Variants in CCDC14 observed in about 807,000 individuals in gnomAD.
CCDC14 encodes coiled-coil domain-containing protein 14.
A neutral mutation model predicts 81.4 loss-of-function variants in CCDC14; 71 were observed. The ratio of observed to expected loss-of-function variants is 0.87; its 90% CI spans 0.72 to 1.06. CCDC14 has a LOEUF of 1.06. CCDC14 is among the 50% of genes least tolerant of loss of function. CCDC14 has a pLI of 0.00. For synonymous variants in CCDC14, 332 were observed against 364.8 expected, an observed-to-expected ratio of 0.91 and a Z score of 1.03; for missense variants, 1,046 against 1,047.3, an observed-to-expected ratio of 1.00 and a Z score of 0.02.
In CCDC14 at chr3:123,947,023, AG is replaced by A; in HGVS notation, c.980del (p.Pro327LeufsTer31). ...THLDSQTHRS[P>X]TQSQPAFLAT... ...CCAAGAAAGCTGGTTGTGACTGAGTAGGGCTTCGGTGTGTCTGACTGTCCAG... is the reference window on the plus strand; with the variant it reads ...CCAAGAAAGCTGGTTGTGACTGAGTAGGCTTCGGTGTGTCTGACTGTCCAG... On this transcript the variant is annotated frameshift_variant, in exon 8 of 13. Transcript: ENST00000409697. LOFTEE classifies it high-confidence loss of function. 6.2e-7 allele frequency: 1 copy of A among 1,613,968 alleles called. No homozygotes were observed. Among genetic ancestry groups the A allele is most frequent in the Non-Finnish European group, 8.5e-7 (1 of 1,179,848 alleles).
chr3:123,887,668 A>T, the CCDC14 span, among the ~76,000 whole-genome samples: 1 of 152,148 alleles, frequency 6.6e-6, no homozygotes. Context: ...TTTTCTTTCA[A>T]ATCCAGTAAT....
intron 5 of CCDC14, chr3:123,952,512 G>C: frequency 2.3e-6 from 1 of 441,042 alleles, no homozygotes; most frequent in Non-Finnish European, 5.0e-6. Flanking sequence ...TTAAATGCCA[G>C]AAGCACTCTC....
rs772566477 is a variant in CCDC14, at chr3:123,915,617, T to C, written c.1880A>G (p.His627Arg). ...NNLTKSLLNI[H>R]DKQLQHDPAP... ...TGGGTCATGTTGAAGTTGTTTATCA[T>C]GAATGTTCAAGAGTGATTTGGTAAG... The change falls in exon 13 of 13, where the codon CAT (histidine) becomes CGT (arginine). Residue 627 changes from histidine to arginine, a missense_variant. His to Arg is a conservative substitution (Grantham distance 29). Transcript: ENST00000409697. The C allele has an allele frequency of 5.0e-6, 8 of 1,613,918 alleles. No individual in the cohort carries two copies. Among genetic ancestry groups the C allele is most frequent in the Non-Finnish European group, 6.8e-6 (8 of 1,179,900 alleles).
chr3:123,915,309 T>C lies in CCDC14; in HGVS notation c.2188A>G (p.Ile730Val). 2 of 1,613,958 alleles carry C rather than the reference T, an allele frequency of 1.2e-6. No homozygotes were observed. Among genetic ancestry groups the C allele is most frequent in the Non-Finnish European group, 1.7e-6 (2 of 1,179,896 alleles). ...GTGCTTCTAGCAAAAGGAATGTAAA[T>C]TGTATTATCCAAATTATGCTCATCT... is the stretch of plus-strand genomic sequence containing the variant. ...IEDEHNLDNT[I>V]YIPFARSTPE... The change falls in exon 13 of 13, where the codon ATT (isoleucine) becomes GTT (valine). Residue 730 changes from isoleucine (I) to valine (V), a missense_variant. Transcript: ENST00000409697.
At chr3:123,912,599 G>A (rs1188656092), downstream of CCDC14, among the ~76,000 whole-genome samples, 1 of 151,998 alleles carries the variant, frequency 6.6e-6, no homozygotes, top group African/African-American at 2.4e-5. Context: ...AAAGGATTAT[G>A]TCTGAACTAC....
chr3:123,917,007 A>G (rs868617907), intron 12 of CCDC14, among the ~76,000 whole-genome samples: 5 of 151,388 alleles, frequency 3.3e-5, no homozygotes, highest in Admixed American at 2.0e-4. Flanking sequence ...ACGCAGGGCT[A>G]ATTTTTCTGT....
chr3:123,891,540 T>C, the CCDC14 span, among the ~76,000 whole-genome samples: 7 of 152,218 alleles, frequency 4.6e-5, no homozygotes, highest in Non-Finnish European at 2.9e-5. Context: ...AGTGGTAAAA[T>C]GCTGTCAGTC....
At chr3:123,897,543 G>T in exon 6 of CCDC14, 2 of 1,007,496 alleles carry the variant, frequency 2.0e-6, no homozygotes, top group Non-Finnish European at 2.6e-6. Context: ...CTGCTTTTCC[G>T]TAGTTCATGT....
At position 123,914,727 on chromosome 3, in the gene CCDC14, A is replaced by G; in HGVS notation, c.*52T>C. 6.8e-7 allele frequency: 1 copy of G among 1,460,350 alleles called. No homozygotes were observed. The highest frequency in any genetic ancestry group is 9.0e-7 in the Non-Finnish European group (1 of 1,107,926). The allele number at this position is 1,460,350 out of a possible 1,614,324, so 90.5% of individuals were successfully genotyped here. A position where few individuals can be genotyped will look rare whatever the true frequency, so the allele number is the denominator to read the frequency against. On this transcript the variant is annotated 3_prime_UTR_variant, in exon 13 of 13. Coordinates refer to ENST00000409697, the MANE Select transcript of CCDC14 (RefSeq NM_001366335.1). The stretch of plus-strand genomic sequence containing the variant: ...CACTAAAGAAAAATACACATTCAAT[A>G]TAGCCAAGTTCTAGTTTTAAAAAGA...
intron 5 of CCDC14, 56 bp from the exon 6 acceptor site, chr3:123,949,188 G>T: frequency 8.9e-7 from 1 of 1,129,862 alleles, no homozygotes; most frequent in Non-Finnish European, 1.3e-6. Flanking sequence ...AACTTTTACC[G>T]TAAGATTTTA....
rs139462990 is a variant in CCDC14 at position 123,931,426 on chromosome 3, T to C, written c.1527A>G (p.Lys509=). The change falls in exon 11 of 13, where the codon AAA becomes AAG. Residue 509 remains lysine (K), a synonymous_variant. Coordinates refer to ENST00000409697, the MANE Select transcript of CCDC14 (RefSeq NM_001366335.1). ...TTTCATCTTTCTGATTTTCAATCACTTTTAACAGCTCTTCATTTTTACTCT... is the reference window on the plus strand; with the variant it reads ...TTTCATCTTTCTGATTTTCAATCACCTTTAACAGCTCTTCATTTTTACTCT... ...LLQSKNEELL[K]VIENQKDENK... is the part of the protein sequence containing the mutation. 83 of 1,560,614 alleles carry C rather than the reference T, an allele frequency of 5.3e-5. No individual in the cohort carries two copies. The African/African-American group carries it at 9.5e-4, about 18-fold the overall frequency.
intron 5 of CCDC14, among the ~76,000 whole-genome samples, chr3:123,907,344 C>G (rs766202290): frequency 5.3e-4 from 81 of 152,230 alleles, no homozygotes; most frequent in Non-Finnish European, 1.0e-3. Flanking sequence ...CACCTATGCT[C>G]TCTGTCTCTA....
chr3:123,947,808 T>C (rs1253561023), intron 7 of CCDC14, among the ~76,000 whole-genome samples: 2 of 151,972 alleles, frequency 1.3e-5, no homozygotes, highest in Non-Finnish European at 2.9e-5. Context: ...GTTTCTGATA[T>C]TAAAAACTTG....
In CCDC14 at chr3:123,947,058, C is replaced by T; in HGVS notation, c.946G>A (p.Glu316Lys). 6.2e-7 allele frequency: 1 copy of T among 1,613,976 alleles called. No homozygotes were observed. The highest frequency in any genetic ancestry group is 1.3e-5 in the African/African-American group (1 of 75,044). Reference sequence around the variant, plus strand: ...TGTGTCTGACTGTCCAGATGCGTTTCTTTTCCATGAGATCGAAAAAGAGAC... The same window carrying T: ...TGTGTCTGACTGTCCAGATGCGTTTTTTTTCCATGAGATCGAAAAAGAGAC... ...YLSLFRSHGK[E>K]THLDSQTHRS... The change falls in exon 8 of 13, where the codon GAA becomes AAA. Residue 316 changes from glutamate (E) to lysine (K), a missense_variant. By Grantham distance (56) the Glu-to-Lys change is moderately conservative. Coordinates refer to ENST00000409697, the MANE Select transcript of CCDC14 (RefSeq NM_001366335.1).
At chr3:123,923,732 A>AT (rs1559771659) in intron 12 of CCDC14, among the ~76,000 whole-genome samples, 7 of 150,928 alleles carry the variant, frequency 4.6e-5, no homozygotes, top group African/African-American at 1.7e-4. Context: ...GTATTTACTA[A>AT]ATATATACAT....
chr3:123,954,178 C>A (rs536458150), intron 5 of CCDC14: 1 of 152,032 alleles, frequency 6.6e-6, no homozygotes. Flanking sequence ...CAGGTGCTAC[C>A]GCTCCTTTCT....
chr3:123,955,288 CA>C (rs1304122413), intron 5 of CCDC14: 1 of 152,146 alleles, frequency 6.6e-6, no homozygotes, highest in South Asian at 2.1e-4. Flanking sequence ...ACAACATAAT[CA>C]AAACTTTCTT....
At chr3:123,930,632 T>TACCC (rs2035639317) in intron 12 of CCDC14, 1 of 152,622 alleles carries the variant, frequency 6.6e-6, no homozygotes, top group Non-Finnish European at 1.5e-5. Flanking sequence ...GAGGCTGACT[T>TACCC]ACCCAAGATC....
In CCDC14 at chr3:123,946,840, A is replaced by G; in HGVS notation, c.1164T>C (p.Tyr388=). The change falls in exon 8 of 13, where the codon TAT becomes TAC. Residue 388 remains tyrosine (Y), a synonymous_variant. Transcript: ENST00000409697. Reference sequence around the variant, plus strand: ...CCAGGGCCTTGAGCTCTCCCAACAAATATTTTATAATTCTAACTTTTTCAG... The same window carrying G: ...CCAGGGCCTTGAGCTCTCCCAACAAGTATTTTATAATTCTAACTTTTTCAG... The part of the protein sequence containing the change: ...KTAEKVRIIK[Y]LLGELKALVA... The G allele has an allele frequency of 6.2e-7, 1 of 1,613,826 alleles. No individual in the cohort carries two copies. Among genetic ancestry groups the G allele is most frequent in the East Asian group, 2.2e-5 (1 of 44,882 alleles).
Sources: gnomAD v4.1 joint callset for allele counts (sites outside exome capture counted in the v4.1 genomes callset) on GRCh38, gnomAD v4.1.1 for gene constraint, MANE v1.5 for transcripts, NCBI Gene and HGNC (gene_info 2026-07-23, HGNC 2026-07-21) for gene names.